The following ARFGEF3 variants were observed in gnomAD, a reference collection of about 807,000 sequenced individuals.
ARFGEF3 encodes the protein brefeldin A-inhibited guanine nucleotide-exchange protein 3.
A neutral mutation model predicts 221.7 loss-of-function variants in ARFGEF3; 96 were observed. The ratio of observed to expected loss-of-function variants is 0.43; its 90% CI spans 0.37 to 0.51. The LOEUF (loss-of-function observed/expected upper bound fraction) is 0.51. ARFGEF3 is among the 20% of genes least tolerant of loss of function. The pLI is 0.00. For missense variants in ARFGEF3, 2,410 were observed against 2,789.9 expected, an observed-to-expected ratio of 0.86 and a Z score of 3.07; for synonymous variants, 1,145 against 1,126.8, an observed-to-expected ratio of 1.02 and a Z score of -0.32.
intron 10 of ARFGEF3, among the ~76,000 whole-genome samples, chr6:138,259,929 T>C (rs941720180): frequency 2.6e-5 from 4 of 152,024 alleles, no homozygotes; most frequent in African/African-American, 7.3e-5. Context: ...AAAAAAATTA[T>C]CGAATTTATT....
At chr6:138,257,216 A>G (rs1778699965) in intron 10 of ARFGEF3, among the ~76,000 whole-genome samples, 1 of 152,094 alleles carries the variant, frequency 6.6e-6, no homozygotes, top group Non-Finnish European at 1.5e-5. Context: ...GTGAGACTAG[A>G]CCACACTTCA....
intron 2 of ARFGEF3, among the ~76,000 whole-genome samples, chr6:138,196,628 T>G (rs1777428919): frequency 6.6e-6 from 1 of 152,220 alleles, no homozygotes; most frequent in Non-Finnish European, 1.5e-5. Context: ...ACTGTACACT[T>G]AGGCTACACT....
At chr6:138,280,413 T>C (rs1339687800) in intron 14 of ARFGEF3, among the ~76,000 whole-genome samples, 2 of 152,176 alleles carry the variant, frequency 1.3e-5, no homozygotes, top group African/African-American at 4.8e-5. Flanking sequence ...CTTAGCACCT[T>C]TGTCTGTTGG....
At chr6:138,194,359 G>A (rs1006964435) in intron 2 of ARFGEF3, among the ~76,000 whole-genome samples, 1 of 152,070 alleles carries the variant, frequency 6.6e-6, no homozygotes, top group African/African-American at 2.4e-5. Flanking sequence ...GGAACCTGCT[G>A]CTGCTGCTGT....
At chr6:138,235,107 T>A (rs890835066) in intron 5 of ARFGEF3, among the ~76,000 whole-genome samples, 1 of 152,228 alleles carries the variant, frequency 6.6e-6, no homozygotes, top group African/African-American at 2.4e-5. Context: ...AGTATTGTTA[T>A]CTATCAGTCT....
chr6:138,165,553 A>G (rs549079661), intron 1 of ARFGEF3, among the ~76,000 whole-genome samples: 15 of 149,600 alleles, frequency 1.0e-4, no homozygotes, highest in African/African-American at 3.7e-4. Flanking sequence ...CATGAGAGAG[A>G]GGGGTCATCC....
chr6:138,226,562 A>G (rs1778088061), intron 4 of ARFGEF3, among the ~76,000 whole-genome samples: 1 of 152,124 alleles, frequency 6.6e-6, no homozygotes, highest in African/African-American at 2.4e-5. Flanking sequence ...CCCATCACTC[A>G]AGTTCCTGCT....
intron 12 of ARFGEF3, among the ~76,000 whole-genome samples, chr6:138,266,959 CT>C (rs996014115): frequency 1.3e-5 from 2 of 151,760 alleles, no homozygotes; most frequent in African/African-American, 4.8e-5. Context: ...GTCTCTGCCT[CT>C]TCCCAGCTGG....
chr6:138,196,007 AAAG>A (rs1414403256), intron 2 of ARFGEF3, among the ~76,000 whole-genome samples: 3 of 148,170 alleles, frequency 2.0e-5, no homozygotes, highest in African/African-American at 5.0e-5. Context: ...AAAAAAAAAA[AAAG>A]AAAAGAAAAA....
chr6:138,275,146 T>A (rs1220976971), intron 12 of ARFGEF3, among the ~76,000 whole-genome samples: 1 of 151,688 alleles, frequency 6.6e-6, no homozygotes, highest in Non-Finnish European at 1.5e-5. Flanking sequence ...TTTTAAAAAA[T>A]AATAATAAAA....
chr6:138,295,316 TTTC>T (rs1779487006), intron 20 of ARFGEF3, among the ~76,000 whole-genome samples: 2 of 152,232 alleles, frequency 1.3e-5, no homozygotes, highest in South Asian at 4.2e-4. Flanking sequence ...ATAATTATAT[TTTC>T]TTCTTAAAAG....
intron 32 of ARFGEF3, 56 bp from the exon 33 acceptor site, chr6:138,333,914 A>G (rs1780272251): frequency 7.8e-6 from 12 of 1,530,798 alleles, no homozygotes; most frequent in East Asian, 4.5e-5. Flanking sequence ...TATTGCTTTG[A>G]GACACCTGAT....
intron 14 of ARFGEF3, among the ~76,000 whole-genome samples, chr6:138,281,233 G>A (rs1189699352): frequency 6.6e-6 from 1 of 152,112 alleles, no homozygotes; most frequent in African/African-American, 2.4e-5. Flanking sequence ...TTTGTGTAAG[G>A]TTGCAATGGC....
intron 2 of ARFGEF3, among the ~76,000 whole-genome samples, chr6:138,186,533 C>G (rs180768856): frequency 3.8e-4 from 58 of 152,300 alleles, no homozygotes; most frequent in African/African-American, 1.4e-3. Flanking sequence ...CAAAAGTTTT[C>G]CAGGGTTACA....
In ARFGEF3 at chr6:138,289,912, C is replaced by T. The variant is rs774024349; in HGVS notation, c.2991C>T (p.Leu997=). Residue 997 remains leucine (L), a synonymous_variant, in exon 18 of 34, where the codon CTC becomes CTT. Transcript: ENST00000251691. ...TAHVLCMEAI[L]SVGLEMGSHN... ...ACGTCTTGTGCATGGAGGCCATCCT[C>T]AGCGTAGGCCTGGAGATGGGAAGCC... 60 of 1,613,822 alleles carry T rather than the reference C, an allele frequency of 3.7e-5. No individual in the cohort carries two copies. The highest frequency in any genetic ancestry group is 5.1e-5 in the Non-Finnish European group (60 of 1,179,880).
At position 138,292,005 on chromosome 6, in the gene ARFGEF3, G is replaced by A. The variant is rs776940549; in HGVS notation, c.3320G>A (p.Gly1107Glu). Residue 1107 changes from glycine (G) to glutamate (E), a missense_variant, in exon 19 of 34, where the codon GGG becomes GAG. By Grantham distance (98) the Gly-to-Glu change is moderately conservative. This residue lies in a region of ARFGEF3 where 184 missense variants were observed against 141.8 expected (regional missense o/e 1.30). Coordinates refer to ENST00000251691, the MANE Select transcript of ARFGEF3 (RefSeq NM_020340.5). ...TTCCGCGGCGGGAGCCTCATGAGCG[G>A]GAGCAGCGCGGCCAAGGTGGTGCTC... is the stretch of plus-strand genomic sequence containing the variant. ...SDFRGGSLMS[G>E]SSAAKVVLTL... 1.3e-5 allele frequency: 20 copies of A among 1,529,090 alleles called. 1 individual carries two copies. The South Asian group carries it at 2.3e-4, about 18-fold the overall frequency. 94.7% of individuals were successfully genotyped at this position (1,529,090 alleles called of 1,614,324 possible). A position where few individuals can be genotyped will look rare whatever the true frequency, so the allele number is the denominator to read the frequency against.
intron 2 of ARFGEF3, among the ~76,000 whole-genome samples, chr6:138,183,462 T>C (rs563200254): frequency 3.9e-4 from 60 of 152,298 alleles, no homozygotes; most frequent in African/African-American, 1.4e-3. Flanking sequence ...ATTGCCTCGC[T>C]GTGTTCAGTT....
At chr6:138,246,133 C>G (rs1013857939) in intron 8 of ARFGEF3, among the ~76,000 whole-genome samples, 3 of 152,164 alleles carry the variant, frequency 2.0e-5, no homozygotes, top group African/African-American at 7.2e-5. Context: ...TATCTGAGTT[C>G]ACTTAGGTGA....
intron 17 of ARFGEF3, among the ~76,000 whole-genome samples, chr6:138,289,290 C>G (rs899351612): frequency 2.6e-5 from 4 of 152,148 alleles, no homozygotes; most frequent in African/African-American, 9.7e-5. Flanking sequence ...CTCACAAATA[C>G]AAACTCAAGG....
Sources: gnomAD v4.1 joint callset for allele counts (sites outside exome capture counted in the v4.1 genomes callset) on GRCh38, gnomAD v4.1.1 for gene constraint, gnomAD v4.1.1 regional missense constraint, MANE v1.5 for transcripts, NCBI Gene and HGNC (gene_info 2026-07-23, HGNC 2026-07-21) for gene names.